The following LRIG2 variants were observed in gnomAD, a reference collection of about 807,000 sequenced individuals.
LRIG2 encodes the protein leucine-rich repeats and immunoglobulin-like domains protein 2.
Under a neutral mutation model 107.8 loss-of-function variants are expected in LRIG2, and 93 were observed. That is an observed-to-expected ratio of 0.86 (90% CI 0.73 to 1.03). LRIG2 has a LOEUF of 1.03. LRIG2 is among the 50% of genes least tolerant of loss of function. LRIG2 has a pLI of 0.00. For synonymous variants in LRIG2, 471 were observed against 470.6 expected (o/e 1.00, Z -0.01); for missense variants, 1,226 against 1,296.0 (o/e 0.95, Z 0.83).
rs935753946 is a variant in LRIG2 at position 113,127,928 on chromosome 1, G to A, written c.*3827G>A. The A allele has an allele frequency of 4.1e-4, 11 of 26,674 alleles. No individual in the cohort carries two copies. The allele number at this position is 26,674 out of a possible 1,614,324, so 1.7% of individuals were successfully genotyped here. ...TTTCTTGAATTTCTGATACCAAAGAGCTTTAGGTAAATAACTTCACACTCT... is the reference window on the plus strand; with the variant it reads ...TTTCTTGAATTTCTGATACCAAAGAACTTTAGGTAAATAACTTCACACTCT... On this transcript the variant is annotated 3_prime_UTR_variant, in exon 18 of 18. Coordinates refer to ENST00000361127, the MANE Select transcript of LRIG2 (RefSeq NM_014813.3).
chr1:113,100,536 C>T (rs1557908476), intron 11 of LRIG2, 48 bp downstream of exon 11: 3 of 1,109,308 alleles, frequency 2.7e-6, no homozygotes, highest in South Asian at 2.7e-5. Flanking sequence ...ATTGTTCCTG[C>T]TTGTTGTGCT....
At chr1:113,081,707 G>C (rs975859038) in intron 1 of LRIG2, among the ~76,000 whole-genome samples, 1 of 152,092 alleles carries the variant, frequency 6.6e-6, no homozygotes, top group East Asian at 1.9e-4. Context: ...TTTTAGTAGA[G>C]ATGGGGTTTT....
chr1:113,079,543 C>T lies in LRIG2; in HGVS notation c.239+5898C>T, dbSNP rs569616225. 5.1e-4 allele frequency among the ~76,000 whole-genome samples: 74 copies of T among 145,898 alleles called. 1 individual carries two copies. Among genetic ancestry groups the T allele is most frequent in the African/African-American group, 1.8e-3 (72 of 39,580 alleles). On this transcript the variant is annotated intron_variant, in intron 1 of 17. Coordinates refer to ENST00000361127, the MANE Select transcript of LRIG2 (RefSeq NM_014813.3). Reference sequence around the variant, plus strand: ...ACTAAAAATACAAAAATTAGCCAGCCGTGGTGGCGGGCGCCTGTAATCCCA... The same window carrying T: ...ACTAAAAATACAAAAATTAGCCAGCTGTGGTGGCGGGCGCCTGTAATCCCA...
At position 113,116,389 on chromosome 1, in the gene LRIG2, A is replaced by G; in HGVS notation, c.2633A>G (p.Gln878Arg). The change falls in exon 16 of 18, where the codon CAG (glutamine) becomes CGG (arginine). Residue 878 changes from glutamine (Q) to arginine (R), a missense_variant. Gln to Arg is a conservative substitution (Grantham distance 43). Coordinates refer to ENST00000361127, the MANE Select transcript of LRIG2 (RefSeq NM_014813.3). Reference protein sequence around the residue: ...GYSNSEAGSHQQLMPPANGYI... With the variant: ...GYSNSEAGSHRQLMPPANGYI... ...AGCAACTCTGAGGCAGGCAGTCATC[A>G]GCAACTTATGCCTCCTGCCAATGGA... is the stretch of plus-strand genomic sequence containing the variant. 6.2e-7 allele frequency: 1 copy of G among 1,613,962 alleles called. No homozygotes were observed. The highest frequency in any genetic ancestry group is 8.5e-7 in the Non-Finnish European group (1 of 1,179,910).
intron 1 of LRIG2, among the ~76,000 whole-genome samples, chr1:113,089,984 T>C (rs1653730825): frequency 6.6e-6 from 1 of 151,208 alleles, no homozygotes; most frequent in Admixed American, 6.6e-5. Context: ...CGTGAGCCAC[T>C]ATGCCTGGCC....
Position 113,100,607 on chromosome 1 carries a change from A to G in LRIG2, c.1313+119A>G, listed in dbSNP as rs17031022. The G allele has an allele frequency of 6.0e-3, 3,612 of 600,170 alleles. 91 individuals carry two copies. The African/African-American group carries it at 0.061, about 10-fold the overall frequency. The allele number at this position is 600,170 out of a possible 1,614,324, so 37.2% of individuals were successfully genotyped here. A position where few individuals can be genotyped will look rare whatever the true frequency, so the allele number is the denominator to read the frequency against. On this transcript the variant is annotated intron_variant, in intron 11 of 17. Transcript: ENST00000361127. The stretch of plus-strand genomic sequence containing the variant: ...AAGCACACAGTTCAGGCAGGAAAAA[A>G]GAAAGTATTAATACTCAGTTATTTA...
At chr1:113,121,579 TA>T (rs1199136308) in intron 17 of LRIG2, among the ~76,000 whole-genome samples, 4 of 151,736 alleles carry the variant, frequency 2.6e-5, no homozygotes, top group East Asian at 3.9e-4. Context: ...CCATCTCTTC[TA>T]AAAAAATTAA....
chr1:113,089,759 A>G (rs962122754), intron 1 of LRIG2, among the ~76,000 whole-genome samples: 5 of 123,768 alleles, frequency 4.0e-5, no homozygotes, highest in Non-Finnish European at 7.6e-5. Context: ...TTGGCTCACT[A>G]CAACCTCACT....
chr1:113,116,472 C>T (rs1375378743), intron 16 of LRIG2, 36 bp downstream of exon 16: 2 of 1,545,556 alleles, frequency 1.3e-6, no homozygotes, highest in Admixed American at 1.9e-5. Flanking sequence ...CAATTTCAGC[C>T]TATTCTATTG....
At chr1:113,099,386 A>G (rs1654212779) in intron 9 of LRIG2, among the ~76,000 whole-genome samples, 1 of 151,160 alleles carries the variant, frequency 6.6e-6, no homozygotes. Flanking sequence ...AAAGGTGTGT[A>G]TCACCATGCC....
intron 2 of LRIG2, among the ~76,000 whole-genome samples, chr1:113,091,736 G>T (rs993848354): frequency 1.3e-5 from 2 of 152,176 alleles, no homozygotes; most frequent in Admixed American, 1.3e-4. Flanking sequence ...TGTTATCTAA[G>T]ATTGGGAGCA....
In LRIG2 at chr1:113,100,352, A is replaced by T. The variant is rs547269300; in HGVS notation, c.1245-68A>T. On this transcript the variant is annotated intron_variant, in intron 10 of 17. Coordinates refer to ENST00000361127, the MANE Select transcript of LRIG2 (RefSeq NM_014813.3). ...GCTATTAGCAGAGGTTTTCATGACC[A>T]TGTAAAGTGTTTATGTAACTTGATA... The T allele has an allele frequency of 3.3e-4, 477 of 1,451,394 alleles. 4 individuals are homozygous for T. In the South Asian group the frequency reaches 5.3e-3, roughly 16 times the overall value. The allele number at this position is 1,451,394 out of a possible 1,614,324, so 89.9% of individuals were successfully genotyped here. A position where few individuals can be genotyped will look rare whatever the true frequency, so the allele number is the denominator to read the frequency against.
At chr1:113,087,490 A>T (rs1298527323) in intron 1 of LRIG2, among the ~76,000 whole-genome samples, 1 of 152,140 alleles carries the variant, frequency 6.6e-6, no homozygotes, top group Non-Finnish European at 1.5e-5. Context: ...CTGGGATTAC[A>T]GGTGCTTGCC....
chr1:113,112,214 G>A (rs564641175), intron 13 of LRIG2, among the ~76,000 whole-genome samples: 1 of 152,244 alleles, frequency 6.6e-6, no homozygotes, highest in African/African-American at 2.4e-5. Context: ...GATAGCTTGA[G>A]GCCTGGAATT....
At chr1:113,108,387 CTAATTTTTG>C (rs752403801) in intron 12 of LRIG2, among the ~76,000 whole-genome samples, 1 of 151,276 alleles carries the variant, frequency 6.6e-6, no homozygotes, top group South Asian at 2.1e-4. Context: ...CCATACCTGG[CTAATTTTTG>C]TATGTTTAGT....
rs1335931358 is a variant in LRIG2 at position 113,106,214 on chromosome 1, C to T, written c.1314-1380C>T. ...CTGCACTCCAGCCTGGGCAACAGAG[C>T]GAGACTCTGTCTCAAAAAAAAAAAA... On this transcript the variant is annotated intron_variant, in intron 11 of 17. Coordinates refer to ENST00000361127, the MANE Select transcript of LRIG2 (RefSeq NM_014813.3). 7.3e-5 allele frequency among the ~76,000 whole-genome samples: 7 copies of T among 96,296 alleles called. No homozygotes were observed. The Admixed American group carries it at 7.7e-4, about 11-fold the overall frequency. The allele number at this position is 96,296 out of a possible 152,430, so 63.2% of individuals were successfully genotyped here.
intron 1 of LRIG2, among the ~76,000 whole-genome samples, chr1:113,080,322 C>T (rs1653209623): frequency 6.7e-6 from 1 of 148,326 alleles, no homozygotes; most frequent in Non-Finnish European, 1.5e-5. Flanking sequence ...CCCAGCCTAT[C>T]AGGAGAAATT....
chr1:113,097,115 C>A (rs1045507329), intron 8 of LRIG2, among the ~76,000 whole-genome samples: 43 of 151,764 alleles, frequency 2.8e-4, no homozygotes, highest in Admixed American at 1.1e-3. Context: ...CGCTAAAATT[C>A]TGTGGTTCTG....
In LRIG2 at chr1:113,122,660, G is replaced by A. The variant is rs575508450; in HGVS notation, c.2972-1215G>A. 5.1e-4 allele frequency among the ~76,000 whole-genome samples: 77 copies of A among 152,210 alleles called. 1 individual carries two copies. Among genetic ancestry groups the A allele is most frequent in the African/African-American group, 1.8e-3 (76 of 41,530 alleles). On this transcript the variant is annotated intron_variant, in intron 17 of 17. Transcript: ENST00000361127. ...GGAAATCAGCAAATGAGAGTGCTTC[G>A]GCCCATTGGCGATTTTTTATGTGGG...
Sources: allele counts gnomAD v4.1 joint callset (sites outside exome capture counted in the v4.1 genomes callset), GRCh38; gene constraint gnomAD v4.1.1; transcripts MANE v1.5; gene names NCBI Gene and HGNC (gene_info 2026-07-23, HGNC 2026-07-21).